The following HPSE2 variants were observed in gnomAD, a reference collection of about 807,000 sequenced individuals.
HPSE2 encodes the protein inactive heparanase-2.
A neutral mutation model predicts 60.5 loss-of-function variants in HPSE2; 38 were observed. The ratio of observed to expected loss-of-function variants is 0.63; its 90% CI spans 0.48 to 0.82. The LOEUF (loss-of-function observed/expected upper bound fraction) is 0.82, where lower values mean the gene tolerates loss of function less well. Ranked by LOEUF, HPSE2 falls within the 40% of genes least tolerant of loss-of-function variation. The pLI is 0.00. For missense variants in HPSE2, 713 were observed against 740.4 expected (o/e 0.96, Z 0.43); for synonymous variants, 295 against 293.2 (o/e 1.01, Z -0.06).
chr10:98,545,557 A>G (rs1943640026), intron 9 of HPSE2, among the ~76,000 whole-genome samples: 1 of 152,222 alleles, frequency 6.6e-6, no homozygotes, highest in South Asian at 2.1e-4. Flanking sequence ...CAAAAACCAC[A>G]TGATTATCTC....
At chr10:98,924,913 C>G (rs1454229322) in intron 3 of HPSE2, among the ~76,000 whole-genome samples, 1 of 152,196 alleles carries the variant, frequency 6.6e-6, no homozygotes, top group Non-Finnish European at 1.5e-5. Flanking sequence ...GGGTGACCCC[C>G]CTCTGGCTAG....
chr10:98,645,242 G>T (rs1946737264), intron 6 of HPSE2, among the ~76,000 whole-genome samples: 2 of 152,174 alleles, frequency 1.3e-5, no homozygotes, highest in Admixed American at 1.3e-4. Context: ...TATCAAGAAA[G>T]AACTATATAC....
intron 11 of HPSE2, chr10:98,461,690 A>T: frequency 9.1e-7 from 1 of 1,102,910 alleles, no homozygotes; most frequent in Non-Finnish European, 1.3e-6. Context: ...TCAAATTTAT[A>T]TCAGGTCTCT....
intron 6 of HPSE2, among the ~76,000 whole-genome samples, chr10:98,647,004 C>A (rs2134050284): frequency 6.6e-6 from 1 of 152,326 alleles, no homozygotes; most frequent in South Asian, 2.1e-4. Context: ...TCCTATTCAA[C>A]TAGCATTTAA....
the HPSE2 span, among the ~76,000 whole-genome samples, chr10:99,266,016 C>A: frequency 2.0e-5 from 3 of 152,234 alleles, no homozygotes; most frequent in African/African-American, 7.2e-5. Flanking sequence ...CTGACTTTGT[C>A]TCACAGAGGT....
chr10:98,507,322 T>C (rs1420554511), intron 9 of HPSE2, among the ~76,000 whole-genome samples: 2 of 152,218 alleles, frequency 1.3e-5, no homozygotes, highest in Non-Finnish European at 2.9e-5. Flanking sequence ...ATGTGTCAAA[T>C]AATATATTTA....
chr10:98,910,784 C>T (rs1285007853), intron 3 of HPSE2, among the ~76,000 whole-genome samples: 1 of 152,098 alleles, frequency 6.6e-6, no homozygotes, highest in Non-Finnish European at 1.5e-5. Flanking sequence ...CAGTTGTTTT[C>T]CACTATACCA....
At chr10:98,790,806 AAAT>A (rs539888355) in intron 3 of HPSE2, among the ~76,000 whole-genome samples, 1,646 of 152,272 alleles carry the variant, frequency 0.011, 16 homozygotes, top group Non-Finnish European at 0.018. Context: ...ATAAAAAGAA[AAAT>A]AATGTGATAT....
At chr10:98,707,248 G>A (rs948048444) in intron 5 of HPSE2, among the ~76,000 whole-genome samples, 1 of 152,200 alleles carries the variant, frequency 6.6e-6, no homozygotes, top group Non-Finnish European at 1.5e-5. Flanking sequence ...ATATATTCCA[G>A]TCCTTCTGAA....
At chr10:98,973,326 G>A (rs1275019388) in intron 3 of HPSE2, among the ~76,000 whole-genome samples, 1 of 152,134 alleles carries the variant, frequency 6.6e-6, no homozygotes, top group East Asian at 1.9e-4. Flanking sequence ...AAAATTATCT[G>A]AATGAATAAG....
chr10:98,764,628 C>T (rs1950078847), intron 3 of HPSE2, among the ~76,000 whole-genome samples: 1 of 152,054 alleles, frequency 6.6e-6, no homozygotes, highest in African/African-American at 2.4e-5. Flanking sequence ...CAGAGGCAGG[C>T]AGATCACTTG....
chr10:99,148,738 C>T (rs1384498330), intron 2 of HPSE2, among the ~76,000 whole-genome samples: 3 of 152,062 alleles, frequency 2.0e-5, no homozygotes, highest in African/African-American at 7.2e-5. Context: ...TGCAGTGAGC[C>T]AAGATCGCGC....
intron 3 of HPSE2, among the ~76,000 whole-genome samples, chr10:99,054,200 G>A (rs747382485): frequency 1.4e-4 from 22 of 152,118 alleles, no homozygotes; most frequent in Non-Finnish European, 2.8e-4. Flanking sequence ...AATTGCATGT[G>A]ATTCCTAACT....
At chr10:99,013,931 T>C in intron 3 of HPSE2, 1 of 431,338 alleles carries the variant, frequency 2.3e-6, no homozygotes, top group South Asian at 1.8e-5. Flanking sequence ...AGTCTCCATA[T>C]CCTGGTGAAG....
At chr10:99,188,800 G>GTAAATTCATTTGT (rs1269977098) in intron 2 of HPSE2, among the ~76,000 whole-genome samples, 1 of 152,200 alleles carries the variant, frequency 6.6e-6, no homozygotes, top group East Asian at 1.9e-4. Flanking sequence ...ACATCGAAAT[G>GTAAATTCATTTGT]TAAATTCATT....
At chr10:98,669,786 C>T (rs1368648590) in intron 6 of HPSE2, among the ~76,000 whole-genome samples, 6 of 152,154 alleles carry the variant, frequency 3.9e-5, no homozygotes. Context: ...GTACTATGCT[C>T]ACTACCTGGG....
At chr10:98,573,706 T>G (rs1476971176) in intron 9 of HPSE2, among the ~76,000 whole-genome samples, 1 of 152,142 alleles carries the variant, frequency 6.6e-6, no homozygotes, top group Non-Finnish European at 1.5e-5. Context: ...CCTAAAAAAG[T>G]CTTTATCTGC....
chr10:98,475,175 T>G (rs530386229), intron 11 of HPSE2, among the ~76,000 whole-genome samples: 1 of 150,712 alleles, frequency 6.6e-6, no homozygotes, highest in Non-Finnish European at 1.5e-5. Flanking sequence ...TGAAGTGCAG[T>G]GGCACGGTCT....
At chr10:98,730,244 G>T (rs1949194987) in intron 4 of HPSE2, among the ~76,000 whole-genome samples, 1 of 151,564 alleles carries the variant, frequency 6.6e-6, no homozygotes, top group Admixed American at 6.6e-5. Context: ...GATCAAAGAA[G>T]AAATCACAAG....
Sources: allele counts gnomAD v4.1 joint callset (sites outside exome capture counted in the v4.1 genomes callset), GRCh38; gene constraint gnomAD v4.1.1; transcripts MANE v1.5; gene names NCBI Gene and HGNC (gene_info 2026-07-23, HGNC 2026-07-21).